The following WWOX variants were observed in gnomAD, a reference collection of about 807,000 sequenced individuals.
WWOX encodes the protein WW domain containing oxidoreductase, also known as WW domain-containing oxidoreductase.
A neutral mutation model predicts 46.2 loss-of-function variants in WWOX; 69 were observed. The ratio of observed to expected loss-of-function variants is 1.49; its 90% CI spans 1.23 to 1.82. The LOEUF (loss-of-function observed/expected upper bound fraction) is 1.82, where lower values mean the gene tolerates loss of function less well. Ranked by LOEUF, WWOX falls within the 40% of genes most tolerant of loss-of-function variation. The pLI, the probability that WWOX is intolerant of heterozygous loss-of-function variation, is 0.00. For missense variants in WWOX, 919 were observed against 542.6 expected (o/e 1.69, Z -6.89); for synonymous variants, 359 against 202.6 (o/e 1.77, Z -6.56).
intron 8 of WWOX, among the ~76,000 whole-genome samples, chr16:78,476,512 G>T (rs1264721895): frequency 6.6e-6 from 1 of 152,022 alleles, no homozygotes; most frequent in Non-Finnish European, 1.5e-5. Flanking sequence ...TGTAAATGAC[G>T]AGTTAATGGG....
At chr16:78,264,806 T>C (rs1345931057) in intron 5 of WWOX, 2 of 152,748 alleles carry the variant, frequency 1.3e-5, no homozygotes, top group Non-Finnish European at 2.9e-5. Context: ...GAAGTAGAGA[T>C]GGAGCCCTCA....
chr16:78,300,636 TC>T (rs995920639), intron 5 of WWOX, among the ~76,000 whole-genome samples: 12 of 152,332 alleles, frequency 7.9e-5, no homozygotes, highest in African/African-American at 2.4e-4. Context: ...CTTGACTTTT[TC>T]GGGAAATGAT....
chr16:78,198,623 C>T (rs2036133490), intron 5 of WWOX, among the ~76,000 whole-genome samples: 1 of 152,122 alleles, frequency 6.6e-6, no homozygotes, highest in Non-Finnish European at 1.5e-5. Context: ...GCTTAAACTG[C>T]CACTTCTTCA....
chr16:79,156,993 C>T (rs2050394354), intron 8 of WWOX, among the ~76,000 whole-genome samples: 1 of 152,184 alleles, frequency 6.6e-6, no homozygotes, highest in African/African-American at 2.4e-5. Context: ...GAAGAACTGG[C>T]CCTTGTTGTA....
At chr16:79,066,087 C>T (rs1195870460) in intron 8 of WWOX, among the ~76,000 whole-genome samples, 2 of 151,930 alleles carry the variant, frequency 1.3e-5, no homozygotes, top group Non-Finnish European at 2.9e-5. Flanking sequence ...TCCTTCACAC[C>T]TGTCTCCTGT....
intron 8 of WWOX, among the ~76,000 whole-genome samples, chr16:78,725,451 G>T (rs958877064): frequency 7.1e-6 from 1 of 141,108 alleles, no homozygotes; most frequent in Admixed American, 7.7e-5. Context: ...GGATTTAAGC[G>T]ATTCTCCTGC....
intron 8 of WWOX, among the ~76,000 whole-genome samples, chr16:78,437,798 T>C (rs1019628447): frequency 5.3e-5 from 8 of 152,222 alleles, no homozygotes; most frequent in African/African-American, 1.9e-4. Flanking sequence ...TTTCTAATAA[T>C]GAAGTCACAT....
intron 5 of WWOX, among the ~76,000 whole-genome samples, chr16:78,348,006 A>T (rs146595672): frequency 8.1e-6 from 1 of 122,862 alleles, no homozygotes; most frequent in African/African-American, 2.7e-5. Flanking sequence ...GTTTTAAAGG[A>T]ATATAAAACT....
chr16:78,374,355 C>T (rs2081765423), intron 5 of WWOX, among the ~76,000 whole-genome samples: 1 of 151,840 alleles, frequency 6.6e-6, no homozygotes. Flanking sequence ...GAAATCCTTC[C>T]CCCCATAAAA....
At chr16:78,317,043 C>T (rs545951854) in intron 5 of WWOX, among the ~76,000 whole-genome samples, 12 of 152,282 alleles carry the variant, frequency 7.9e-5, no homozygotes, top group Non-Finnish European at 1.0e-4. Flanking sequence ...AAGGTGAAGC[C>T]TGCACAGTAA....
At chr16:78,238,322 C>G (rs1350410276) in intron 5 of WWOX, 2 of 152,230 alleles carry the variant, frequency 1.3e-5, no homozygotes, top group African/African-American at 4.8e-5. Context: ...TTTTTTGAGG[C>G]AAGGTCTCAC....
intron 5 of WWOX, among the ~76,000 whole-genome samples, chr16:78,205,981 C>T (rs1192208310): frequency 6.6e-6 from 1 of 151,670 alleles, no homozygotes; most frequent in Non-Finnish European, 1.5e-5. Flanking sequence ...TTCTTTCCTC[C>T]CTCCCTTCCT....
At chr16:78,182,920 C>T (rs1209895187) in intron 5 of WWOX, among the ~76,000 whole-genome samples, 1 of 141,568 alleles carries the variant, frequency 7.1e-6, no homozygotes, top group Non-Finnish European at 1.5e-5. Flanking sequence ...CACTGCACTT[C>T]AGCCTGGGTG....
chr16:78,771,457 C>T (rs1226451323), intron 8 of WWOX, among the ~76,000 whole-genome samples: 1 of 152,132 alleles, frequency 6.6e-6, no homozygotes, highest in African/African-American at 2.4e-5. Context: ...TAATTAATGC[C>T]ACGGAATTGT....
intron 8 of WWOX, among the ~76,000 whole-genome samples, chr16:79,174,245 A>G (rs1054632747): frequency 6.6e-6 from 1 of 152,220 alleles, no homozygotes; most frequent in Admixed American, 6.5e-5. Flanking sequence ...AATGCTGTAC[A>G]CTTTGTTTCT....
At chr16:78,354,538 G>C (rs1019848196) in intron 5 of WWOX, among the ~76,000 whole-genome samples, 2 of 152,076 alleles carry the variant, frequency 1.3e-5, no homozygotes, top group African/African-American at 4.8e-5. Flanking sequence ...TTCTAGTTTA[G>C]AAGAGACCCT....
intron 8 of WWOX, among the ~76,000 whole-genome samples, chr16:78,920,867 G>A (rs947043399): frequency 2.6e-5 from 4 of 152,170 alleles, no homozygotes; most frequent in East Asian, 3.9e-4. Context: ...AAACTCTGAT[G>A]AGCTCGATGA....
intron 8 of WWOX, among the ~76,000 whole-genome samples, chr16:78,539,803 T>G (rs2043844043): frequency 6.6e-6 from 1 of 152,198 alleles, no homozygotes; most frequent in African/African-American, 2.4e-5. Context: ...CCCAGAGCAT[T>G]TATCTTTGAT....
At chr16:78,642,665 T>A (rs2046748749) in intron 8 of WWOX, among the ~76,000 whole-genome samples, 1 of 152,120 alleles carries the variant, frequency 6.6e-6, no homozygotes. Context: ...ATGTTTCCCT[T>A]CTTTGGTGTC....
Sources: allele counts gnomAD v4.1 joint callset (sites outside exome capture counted in the v4.1 genomes callset), GRCh38; gene constraint gnomAD v4.1.1; transcripts MANE v1.5; gene names NCBI Gene and HGNC (gene_info 2026-07-23, HGNC 2026-07-21).